Variants in PHACTR2 observed in about 807,000 individuals in gnomAD.
PHACTR2 encodes chromosome 6 open reading frame 56.
A neutral mutation model predicts 76.0 loss-of-function variants in PHACTR2; 30 were observed. That is an observed-to-expected ratio of 0.39 (90% CI 0.30 to 0.54). PHACTR2 has a LOEUF of 0.54. Among genes scored for constraint, PHACTR2 ranks in the 20% least tolerant of loss-of-function variants. The probability of loss-of-function intolerance (pLI) is 0.61; values close to 1 mark genes in which losing one functional copy is unlikely to be tolerated. For missense variants in PHACTR2, 696 were observed against 781.1 expected, an observed-to-expected ratio of 0.89 and a Z score of 1.30; for synonymous variants, 292 against 292.5, an observed-to-expected ratio of 1.00 and a Z score of 0.02.
rs1775598841 is a variant in PHACTR2, at chr6:143,583,882, G to A, written c.217+46675G>A. On this transcript the variant is annotated intron_variant, in intron 1 of 11. Transcript: ENST00000367584. The surrounding 1 kb of genome is among the most constrained non-coding windows in gnomAD (Gnocchi z 4.0). Reference sequence around the variant, plus strand: ...CAAAGGAGGACTTCCAGAATTCTGAGAGGTCTAGAGTGCTGGGACGGTGTC... The same window carrying A: ...CAAAGGAGGACTTCCAGAATTCTGAAAGGTCTAGAGTGCTGGGACGGTGTC... Among the ~76,000 whole-genome samples, 1 of 152,254 alleles carries A rather than the reference G, an allele frequency of 6.6e-6. No individual in the cohort carries two copies. The highest frequency in any genetic ancestry group is 1.5e-5 in the Non-Finnish European group (1 of 68,044).
chr6:143,658,905 A>T lies in PHACTR2; in HGVS notation c.13+50583A>T, dbSNP rs547900827. 1.7e-3 allele frequency among the ~76,000 whole-genome samples: 257 copies of T among 152,084 alleles called. No homozygotes were observed. Among genetic ancestry groups the T allele is most frequent in the African/African-American group, 5.8e-3 (242 of 41,496 alleles). ...CCGGTCAGGGTGGCATGCGCCTATA[A>T]TCTCAGCTGCTCTGAGGCTGAGGCA... On this transcript the variant is annotated intron_variant, in intron 1 of 11. Transcript: ENST00000305766. This position sits in a 1 kb window ranked among gnomAD's most constrained non-coding sequence, Gnocchi z 4.1.
chr6:143,676,502 G>T (rs1334277400), upstream of PHACTR2, among the ~76,000 whole-genome samples: 4 of 152,196 alleles, frequency 2.6e-5, no homozygotes, highest in African/African-American at 7.2e-5. The surrounding 1 kb of genome is among the most constrained non-coding windows in gnomAD (Gnocchi z 4.8). Flanking sequence ...TCAAAAGGAA[G>T]AGTGAAACAT....
At chr6:143,687,990 A>G (rs1777559332) in intron 1 of PHACTR2, among the ~76,000 whole-genome samples, 1 of 152,208 alleles carries the variant, frequency 6.6e-6, no homozygotes, top group South Asian at 2.1e-4. Context: ...CCCTGCCCAC[A>G]AAGCGTCCAG....
chr6:143,740,571 C>T (rs928249532), intron 2 of PHACTR2, among the ~76,000 whole-genome samples: 1 of 148,234 alleles, frequency 6.7e-6, no homozygotes, highest in African/African-American at 2.5e-5. Flanking sequence ...GAAGGATACA[C>T]GAGACACTAA....
Position 143,623,802 on chromosome 6 carries a change from T to C in PHACTR2, c.13+15480T>C, listed in dbSNP as rs1278391494. 6.6e-6 allele frequency among the ~76,000 whole-genome samples: 1 copy of C among 152,238 alleles called. No homozygotes were observed. Among genetic ancestry groups the C allele is most frequent in the Admixed American group, 6.5e-5 (1 of 15,286 alleles). ...AGACTTTTCTATTTTTGGTTTTGTT[T>C]GTACAGTCATTGTGTCCTGCTTTAA... On this transcript the variant is annotated intron_variant, in intron 1 of 11. Coordinates refer to the PHACTR2 transcript ENST00000305766. The surrounding 1 kb of genome is among the most constrained non-coding windows in gnomAD (Gnocchi z 5.9).
At position 143,548,437 on chromosome 6, in the gene PHACTR2, C is replaced by T. The variant is rs1584051680; in HGVS notation, c.217+11230C>T. 6.6e-6 allele frequency among the ~76,000 whole-genome samples: 1 copy of T among 152,094 alleles called. No individual in the cohort carries two copies. Among genetic ancestry groups the T allele is most frequent in the African/African-American group, 2.4e-5 (1 of 41,446 alleles). ...TCCATCCTTCTGTCTTTCCCTCCCTCCCAGACTTCTCTGATGCTGTGAGCA... is the reference window on the plus strand; with the variant it reads ...TCCATCCTTCTGTCTTTCCCTCCCTTCCAGACTTCTCTGATGCTGTGAGCA... On this transcript the variant is annotated intron_variant, in intron 1 of 11. Coordinates refer to the PHACTR2 transcript ENST00000367584. The surrounding 1 kb of genome is among the most constrained non-coding windows in gnomAD (Gnocchi z 4.5).
upstream of PHACTR2, among the ~76,000 whole-genome samples, chr6:143,676,523 A>T (rs1280488894): frequency 6.6e-6 from 1 of 152,198 alleles, no homozygotes. This position sits in a 1 kb window ranked among gnomAD's most constrained non-coding sequence, Gnocchi z 4.8. Flanking sequence ...TCTCCCTCTT[A>T]ACTTACCTTT....
Position 143,818,714 on chromosome 6 carries a change from A to G in PHACTR2, c.1923-4960A>G, listed in dbSNP as rs13204629. Among the ~76,000 whole-genome samples, 26,875 of 152,046 alleles carry G rather than the reference A, an allele frequency of 0.18. 2,632 individuals are homozygous for G. Among genetic ancestry groups the G allele is most frequent in the East Asian group, 0.45 (2,324 of 5,154 alleles). ...AGTGCCGAGTGCAGGGAGAAGCCCA[A>G]TCAGATCTCGTGAGTACTCACTGTC... On this transcript the variant is annotated intron_variant, in intron 12 of 12. Coordinates refer to ENST00000440869, the MANE Select transcript of PHACTR2 (RefSeq NM_001100164.2). The surrounding 1 kb of genome is among the most constrained non-coding windows in gnomAD (Gnocchi z 4.9).
chr6:143,699,630 A>C (rs1056578461), intron 1 of PHACTR2, among the ~76,000 whole-genome samples: 1 of 152,136 alleles, frequency 6.6e-6, no homozygotes, highest in African/African-American at 2.4e-5. Flanking sequence ...CCTGAAGTTC[A>C]TGGTGCCTGA....
chr6:143,805,285 C>T (rs1776039198), intron 11 of PHACTR2, among the ~76,000 whole-genome samples: 1 of 152,000 alleles, frequency 6.6e-6, no homozygotes, highest in South Asian at 2.1e-4. Context: ...TGAGACCAGC[C>T]TGGCCAACAT....
At chr6:143,718,352 TGGGGCTAGAACATTCA>T (rs1778349210) in intron 2 of PHACTR2, among the ~76,000 whole-genome samples, 1 of 152,238 alleles carries the variant, frequency 6.6e-6, no homozygotes, top group Non-Finnish European at 1.5e-5. Flanking sequence ...ATGAGGAGAC[TGGGGCTAGAACATTCA>T]GATGACTTGC....
chr6:143,582,984 ACT>A (rs1429287573), intron 1 of PHACTR2, among the ~76,000 whole-genome samples: 4 of 152,224 alleles, frequency 2.6e-5, no homozygotes, highest in Non-Finnish European at 4.4e-5. Context: ...TTAATTTCAA[ACT>A]CTGAAGCACT....
intron 6 of PHACTR2, among the ~76,000 whole-genome samples, chr6:143,770,769 G>A (rs1775081103): frequency 6.6e-6 from 1 of 151,910 alleles, no homozygotes; most frequent in Non-Finnish European, 1.5e-5. Flanking sequence ...TTGATGTGAT[G>A]TTTTTATGTA....
chr6:143,785,691 A>C (rs1225981506), intron 10 of PHACTR2, among the ~76,000 whole-genome samples: 2 of 152,146 alleles, frequency 1.3e-5, no homozygotes, highest in Non-Finnish European at 2.9e-5. Context: ...CTGGGCATCT[A>C]GACAGAGGTT....
rs536685999 is a variant in PHACTR2 at position 143,641,562 on chromosome 6, A to C, written c.13+33240A>C. ...GCTCTTGTTACCCAGGCTGGAGTAC[A>C]ATGGCATGATCTCGGCTAACCACAA... On this transcript the variant is annotated intron_variant, in intron 1 of 11. Coordinates refer to the PHACTR2 transcript ENST00000305766. This position sits in a 1 kb window ranked among gnomAD's most constrained non-coding sequence, Gnocchi z 5.8. Among the ~76,000 whole-genome samples, 14 of 152,192 alleles carry C rather than the reference A, an allele frequency of 9.2e-5. No individual in the cohort carries two copies. Among genetic ancestry groups the C allele is most frequent in the Non-Finnish European group, 1.6e-4 (11 of 68,038 alleles).
At chr6:143,677,942 A>T, upstream of PHACTR2, 1 of 1,221,472 alleles carries the variant, frequency 8.2e-7, no homozygotes, top group Non-Finnish European at 1.0e-6. Flanking sequence ...ACCCCAGCTA[A>T]TCTGCATAGA....
rs1264362521 is a variant in PHACTR2 at position 143,548,879 on chromosome 6, G to A, written c.217+11672G>A. Among the ~76,000 whole-genome samples the A allele has an allele frequency of 6.6e-6, 1 of 151,948 alleles. No homozygotes were observed. The highest frequency in any genetic ancestry group is 1.5e-5 in the Non-Finnish European group (1 of 67,938). On this transcript the variant is annotated intron_variant, in intron 1 of 11. Transcript: ENST00000367584. This position sits in a 1 kb window ranked among gnomAD's most constrained non-coding sequence, Gnocchi z 4.5. ...GTGGATGTTTCATTGCACCATAGGT[G>A]TTTTAGAGTTGTGGGGGAAACAAGC... is the stretch of plus-strand genomic sequence containing the variant.
intron 1 of PHACTR2, among the ~76,000 whole-genome samples, chr6:143,542,295 C>T (rs1216289345): frequency 6.6e-6 from 1 of 152,140 alleles, no homozygotes; most frequent in African/African-American, 2.4e-5. Context: ...GGAGCCTGAC[C>T]GCCGGTCAGG....
rs916002916 is a variant in PHACTR2, at chr6:143,765,875, G to A, written c.1232+77G>A. ...TATATTCTGTTGGAAATGAAGCACC[G>A]GGTTTGCTTTCTTATATAATTTAAT... On this transcript the variant is annotated intron_variant, in intron 6 of 12. Coordinates refer to ENST00000440869, the MANE Select transcript of PHACTR2 (RefSeq NM_001100164.2). This position sits in a 1 kb window ranked among gnomAD's most constrained non-coding sequence, Gnocchi z 4.1. 28 of 1,278,804 alleles carry A rather than the reference G, an allele frequency of 2.2e-5. No individual in the cohort carries two copies. The highest frequency in any genetic ancestry group is 4.2e-5 in the South Asian group (3 of 70,954). The allele number at this position is 1,278,804 out of a possible 1,614,324, so 79.2% of individuals were successfully genotyped here.
Sources: gnomAD v4.1 joint callset for allele counts (sites outside exome capture counted in the v4.1 genomes callset) on GRCh38, gnomAD v4.1.1 for gene constraint, Gnocchi (gnomAD v3.1) non-coding constraint, MANE v1.5 for transcripts, NCBI Gene and HGNC (gene_info 2026-07-23, HGNC 2026-07-21) for gene names.